Variants in EPB41L4A observed in about 807,000 individuals in gnomAD.
EPB41L4A encodes erythrocyte membrane protein band 4.1 like 4A.
A neutral mutation model predicts 108.6 loss-of-function variants in EPB41L4A; 100 were observed. The ratio of observed to expected loss-of-function variants is 0.92; its 90% confidence interval spans 0.78 to 1.09. The LOEUF (loss-of-function observed/expected upper bound fraction) is 1.09. EPB41L4A is among the 50% of genes least tolerant of loss of function. The pLI, the probability that EPB41L4A is intolerant of heterozygous loss-of-function variation, is 0.00. For missense variants in EPB41L4A, 1,030 were observed against 842.7 expected, an observed-to-expected ratio of 1.22 and a Z score of -2.75; for synonymous variants, 319 against 289.0, an observed-to-expected ratio of 1.10 and a Z score of -1.05.
At chr5:112,324,596 G>A (rs1019759262) in intron 1 of EPB41L4A, among the ~76,000 whole-genome samples, 2 of 151,792 alleles carry the variant, frequency 1.3e-5, no homozygotes, top group African/African-American at 2.4e-5. Flanking sequence ...GGTGGAACGC[G>A]TCTGTAGTCC....
At chr5:112,284,146 A>G (rs1753131220) in intron 2 of EPB41L4A, among the ~76,000 whole-genome samples, 1 of 152,180 alleles carries the variant, frequency 6.6e-6, no homozygotes, top group Non-Finnish European at 1.5e-5. Context: ...AGCAATCAAT[A>G]TTCATGGAGA....
At chr5:112,370,512 T>C (rs1429641664) in intron 1 of EPB41L4A, among the ~76,000 whole-genome samples, 1 of 152,198 alleles carries the variant, frequency 6.6e-6, no homozygotes, top group Non-Finnish European at 1.5e-5. Context: ...AAATTAGACA[T>C]TTTGATTGAT....
chr5:112,221,371 A>T (rs1226068494), intron 12 of EPB41L4A, among the ~76,000 whole-genome samples: 2 of 152,232 alleles, frequency 1.3e-5, no homozygotes, highest in African/African-American at 4.8e-5. Flanking sequence ...TTAAGTGTAC[A>T]AGGTTGAAAG....
At chr5:112,210,641 A>G (rs1407269781) in intron 12 of EPB41L4A, among the ~76,000 whole-genome samples, 1 of 152,172 alleles carries the variant, frequency 6.6e-6, no homozygotes, top group African/African-American at 2.4e-5. Flanking sequence ...GGAAGTCATG[A>G]TCGAAATAAA....
intron 1 of EPB41L4A, among the ~76,000 whole-genome samples, chr5:112,344,779 C>T (rs1034175687): frequency 1.3e-5 from 2 of 152,206 alleles, no homozygotes; most frequent in East Asian, 3.8e-4. Context: ...CAAGCCCACA[C>T]AATCACAGAA....
At chr5:112,412,993 C>T (rs1189509253) in intron 1 of EPB41L4A, among the ~76,000 whole-genome samples, 4 of 152,198 alleles carry the variant, frequency 2.6e-5, no homozygotes, top group Non-Finnish European at 5.9e-5. Context: ...ACAGGTGATT[C>T]AGCAAGATTA....
chr5:112,279,268 C>T (rs1752808833), intron 3 of EPB41L4A, among the ~76,000 whole-genome samples: 1 of 152,048 alleles, frequency 6.6e-6, no homozygotes, highest in African/African-American at 2.4e-5. Context: ...TCCAGGTTTC[C>T]AGTTCCTTTT....
chr5:112,329,499 C>T (rs536499823), intron 1 of EPB41L4A, among the ~76,000 whole-genome samples: 1 of 152,322 alleles, frequency 6.6e-6, no homozygotes, highest in African/African-American at 2.4e-5. Flanking sequence ...GGAACTGCCA[C>T]TTAATCTCTC....
intron 17 of EPB41L4A, among the ~76,000 whole-genome samples, chr5:112,190,089 T>C (rs1180640406): frequency 3.9e-5 from 6 of 152,168 alleles, no homozygotes; most frequent in Non-Finnish European, 8.8e-5. Flanking sequence ...GAATCTAATA[T>C]TCATGTAGAT....
rs1760106238 is a variant in EPB41L4A, at chr5:112,164,504, C to G, written c.*486G>C. On this transcript the variant is annotated 3_prime_UTR_variant, in exon 23 of 23. Transcript: ENST00000261486. ...AAATGTGGTATCAAGTGAATTTTTA[C>G]AAAATACTTATTCTTCCAGTTAAAA... The G allele has an allele frequency of 6.6e-6, 1 of 151,754 alleles. No individual in the cohort carries two copies. The allele number at this position is 151,754 out of a possible 1,614,324, so 9.4% of individuals were successfully genotyped here.
chr5:112,170,673 T>C (rs1463557921), intron 19 of EPB41L4A, among the ~76,000 whole-genome samples: 1 of 152,208 alleles, frequency 6.6e-6, no homozygotes, highest in Non-Finnish European at 1.5e-5. Context: ...TTTGTTTTCC[T>C]TGGTATTTAT....
intron 12 of EPB41L4A, among the ~76,000 whole-genome samples, chr5:112,146,908 A>C (rs2112790535): frequency 6.6e-6 from 1 of 152,354 alleles, no homozygotes; most frequent in South Asian, 2.1e-4. Context: ...TAATTAGACG[A>C]GACTTTTATT....
chr5:112,254,781 ACC>A (rs1021616561), intron 9 of EPB41L4A, among the ~76,000 whole-genome samples: 7 of 150,952 alleles, frequency 4.6e-5, no homozygotes, highest in African/African-American at 1.7e-4. Flanking sequence ...TGCTCAGCAT[ACC>A]CCCTCGCCTG....
rs758986182 is a variant in EPB41L4A, at chr5:112,163,687, A to C, written c.*1303T>G. On this transcript the variant is annotated 3_prime_UTR_variant, in exon 23 of 23. Transcript: ENST00000261486. ...TTAGATGAATTGAGGGCAATGACTAAAGATACTGCTTGCAAGAAAACTGGC... is the reference window on the plus strand; with the variant it reads ...TTAGATGAATTGAGGGCAATGACTACAGATACTGCTTGCAAGAAAACTGGC... The C allele has an allele frequency of 6.6e-6, 1 of 151,922 alleles. No homozygotes were observed. Among genetic ancestry groups the C allele is most frequent in the Non-Finnish European group, 1.5e-5 (1 of 67,950 alleles). 9.4% of individuals were successfully genotyped at this position (151,922 alleles called of 1,614,324 possible). A position where few individuals can be genotyped will look rare whatever the true frequency, so the allele number is the denominator to read the frequency against.
intron 1 of EPB41L4A, among the ~76,000 whole-genome samples, chr5:112,407,845 A>T (rs34798456): frequency 0.038 from 5,797 of 152,314 alleles, 154 homozygotes; most frequent in Non-Finnish European, 0.055. Context: ...TCTTTTGACA[A>T]ATATTTACTG....
At chr5:112,148,622 G>A (rs1163110157) in intron 12 of EPB41L4A, among the ~76,000 whole-genome samples, 1 of 152,010 alleles carries the variant, frequency 6.6e-6, no homozygotes, top group African/African-American at 2.4e-5. Flanking sequence ...ATCATTCATT[G>A]TAACCAGTTT....
intron 1 of EPB41L4A, among the ~76,000 whole-genome samples, chr5:112,313,863 T>C (rs1356905750): frequency 2.2e-5 from 3 of 139,526 alleles, no homozygotes; most frequent in Non-Finnish European, 3.1e-5. Flanking sequence ...ACTTTCTTTT[T>C]TTTTTTTTTT....
chr5:112,231,085 A>G (rs937014057), intron 12 of EPB41L4A, among the ~76,000 whole-genome samples: 1 of 152,250 alleles, frequency 6.6e-6, no homozygotes, highest in Non-Finnish European at 1.5e-5. Context: ...ATGCTTAAAG[A>G]TATCACTACA....
chr5:112,204,459 G>A lies in EPB41L4A; in HGVS notation c.1292C>T (p.Thr431Ile), dbSNP rs1219171531. 1.2e-6 allele frequency: 2 copies of A among 1,613,438 alleles called. No homozygotes were observed. The highest frequency in any genetic ancestry group is 1.7e-6 in the Non-Finnish European group (2 of 1,179,598). ...CGTGTAAGGGAACTTTGGCGACTTA[G>A]TGCGATCACTGGGAGAATTGTAGAG... ...SGLYNSPSDR[T>I]KSPKFPYTRR... Residue 431 changes from threonine (T) to isoleucine (I), a missense_variant, in exon 15 of 23, where the codon ACT becomes ATT. Physicochemically the swap from Thr to Ile is moderately conservative, Grantham distance 89. Coordinates refer to ENST00000261486, the MANE Select transcript of EPB41L4A (RefSeq NM_022140.5).
Sources: gnomAD v4.1 joint callset for allele counts (sites outside exome capture counted in the v4.1 genomes callset) on GRCh38, gnomAD v4.1.1 for gene constraint, MANE v1.5 for transcripts, NCBI Gene and HGNC (gene_info 2026-07-23, HGNC 2026-07-21) for gene names.